Variants in N4BP1 observed in about 807,000 individuals in gnomAD.
N4BP1 encodes the protein NEDD4-binding protein 1.
N4BP1 carries 21 observed loss-of-function variants against 70.9 expected under a neutral mutation model. The observed-to-expected ratio is 0.30, with a 90% CI of 0.21 to 0.43. The LOEUF is 0.43. Ranked by LOEUF, N4BP1 falls within the 20% of genes least tolerant of loss-of-function variation. The pLI is 1.00. For synonymous variants in N4BP1, 387 were observed against 394.6 expected (o/e 0.98, Z 0.23); for missense variants, 936 against 1,069.4 (o/e 0.88, Z 1.74).
chr16:48,607,028 A>C (rs1239173501), intron 1 of N4BP1, among the ~76,000 whole-genome samples: 1 of 152,210 alleles, frequency 6.6e-6, no homozygotes, highest in East Asian at 1.9e-4. Context: ...AGAACAAAAA[A>C]GCCCTGATTG....
At chr16:48,581,191 T>A (rs1431551871) in intron 1 of N4BP1, among the ~76,000 whole-genome samples, 1 of 151,966 alleles carries the variant, frequency 6.6e-6, no homozygotes, top group African/African-American at 2.4e-5. Context: ...AAAAGCCATA[T>A]GATCAGTTCA....
chr16:48,589,436 T>G (rs368958818), intron 1 of N4BP1, among the ~76,000 whole-genome samples: 2 of 152,152 alleles, frequency 1.3e-5, no homozygotes, highest in Non-Finnish European at 2.9e-5. Flanking sequence ...CCAAATGGAC[T>G]GGCTTTGGAG....
At position 48,540,048 on chromosome 16, in the gene N4BP1, T is replaced by C. The variant is rs1446912231; in HGVS notation, c.*2856A>G. 2 of 152,304 alleles carry C rather than the reference T, an allele frequency of 1.3e-5. No individual in the cohort carries two copies. Among genetic ancestry groups the C allele is most frequent in the Non-Finnish European group, 2.9e-5 (2 of 68,070 alleles). 9.4% of individuals were successfully genotyped at this position (152,304 alleles called of 1,614,324 possible). A position where few individuals can be genotyped will look rare whatever the true frequency, so the allele number is the denominator to read the frequency against. Reference sequence around the variant, plus strand: ...AAGAGGATTCTTCCGGGAATCAGGCTGTTTCAATCTAAAACATCCAAGATA... The same window carrying C: ...AAGAGGATTCTTCCGGGAATCAGGCCGTTTCAATCTAAAACATCCAAGATA... On this transcript the variant is annotated 3_prime_UTR_variant, in exon 7 of 7. Coordinates refer to ENST00000262384, the MANE Select transcript of N4BP1 (RefSeq NM_153029.4).
At chr16:48,567,047 A>G (rs1198162723) in intron 1 of N4BP1, among the ~76,000 whole-genome samples, 1 of 152,204 alleles carries the variant, frequency 6.6e-6, no homozygotes, top group Non-Finnish European at 1.5e-5. Context: ...TAATGTTTGC[A>G]TGGCACATGT....
Position 48,561,601 on chromosome 16 carries a change from T to C in N4BP1, c.1042A>G (p.Asn348Asp). The C allele has an allele frequency of 6.2e-7, 1 of 1,613,610 alleles. No individual in the cohort carries two copies. Among genetic ancestry groups the C allele is most frequent in the Non-Finnish European group, 8.5e-7 (1 of 1,179,840 alleles). The change falls in exon 2 of 7, where the codon AAC (asparagine) becomes GAC (aspartate). Residue 348 changes from asparagine to aspartate, a missense_variant. Around this residue, in one of 4 missense-constraint regions of N4BP1, gnomAD observed 515 missense variants for 491.7 expected, o/e 1.05. Transcript: ENST00000262384. ...IKETTEEMEY[N>D]ILVNFFKTMG... ...GTTTTAAAAAAGTTTACGAGGATGTTGTATTCCATTTCCTCAGTAGTTTCT... is the reference window on the plus strand; with the variant it reads ...GTTTTAAAAAAGTTTACGAGGATGTCGTATTCCATTTCCTCAGTAGTTTCT...
intron 1 of N4BP1, among the ~76,000 whole-genome samples, chr16:48,593,610 T>C (rs931770469): frequency 1.3e-5 from 2 of 152,246 alleles, no homozygotes; most frequent in African/African-American, 4.8e-5. Context: ...AAATCATTGT[T>C]CTGCTCTTTA....
chr16:48,554,197 ACAG>A (rs1452154547), intron 2 of N4BP1, among the ~76,000 whole-genome samples: 5 of 151,848 alleles, frequency 3.3e-5, no homozygotes, highest in Non-Finnish European at 7.4e-5. Context: ...AATTAAAAGA[ACAG>A]CAACAACAAC....
chr16:48,604,972 T>C (rs1964556904), intron 1 of N4BP1, among the ~76,000 whole-genome samples: 1 of 151,836 alleles, frequency 6.6e-6, no homozygotes, highest in Admixed American at 6.6e-5. Context: ...CCTACACAGG[T>C]TCCCTGCCTG....
rs563295487 is a variant in N4BP1 at position 48,577,587 on chromosome 16, G to A, written c.199-15143C>T. On this transcript the variant is annotated intron_variant, in intron 1 of 6. Coordinates refer to ENST00000262384, the MANE Select transcript of N4BP1 (RefSeq NM_153029.4). ...TGGAGACTCTGGTGTGGGTCTTGAC[G>A]AGGTGGTCAGTGAATTCCTCATAGG... 10 of 213,950 alleles carry A rather than the reference G, an allele frequency of 4.7e-5. No homozygotes were observed. The East Asian group carries it at 7.3e-4, about 16-fold the overall frequency. The allele number at this position is 213,950 out of a possible 1,614,324, so 13.3% of individuals were successfully genotyped here.
chr16:48,604,104 G>A (rs1257410069), intron 1 of N4BP1, among the ~76,000 whole-genome samples: 1 of 152,160 alleles, frequency 6.6e-6, no homozygotes, highest in African/African-American at 2.4e-5. Flanking sequence ...CTTCATCCCA[G>A]TCCTTTTAAG....
At chr16:48,543,561 A>G (rs1045401943) in intron 6 of N4BP1, among the ~76,000 whole-genome samples, 4 of 152,106 alleles carry the variant, frequency 2.6e-5, no homozygotes, top group Non-Finnish European at 5.9e-5. Flanking sequence ...GGCTCTAACC[A>G]GGGTACCCTT....
At chr16:48,548,176 T>C in intron 4 of N4BP1, 62 bp from the exon 5 acceptor site, 2 of 924,638 alleles carry the variant, frequency 2.2e-6, no homozygotes, top group Non-Finnish European at 3.5e-6. Flanking sequence ...AGAAGCCATG[T>C]TATAAGAAGA....
chr16:48,553,725 T>G, intron 2 of N4BP1, 56 bp from the exon 3 acceptor site: 1 of 1,370,438 alleles, frequency 7.3e-7, no homozygotes, highest in Non-Finnish European at 9.7e-7. Flanking sequence ...TAAAGCACAG[T>G]AAGTTTCACC....
chr16:48,601,615 AT>A (rs1567446993), intron 1 of N4BP1, among the ~76,000 whole-genome samples: 1 of 152,216 alleles, frequency 6.6e-6, no homozygotes, highest in African/African-American at 2.4e-5. Flanking sequence ...TACAGCTCTT[AT>A]TTATCAAGTA....
intron 1 of N4BP1, among the ~76,000 whole-genome samples, chr16:48,601,985 G>A (rs528445022): frequency 1.3e-4 from 20 of 152,216 alleles, no homozygotes; most frequent in Non-Finnish European, 2.9e-4. Flanking sequence ...CACTTTGGGA[G>A]GCCAAGGCAG....
At chr16:48,559,538 G>C (rs917858837) in intron 2 of N4BP1, 1 of 152,100 alleles carries the variant, frequency 6.6e-6, no homozygotes, top group African/African-American at 2.4e-5. Flanking sequence ...CTTAGTATGT[G>C]AACAAATGGC....
chr16:48,602,301 T>C (rs1964514224), intron 1 of N4BP1, among the ~76,000 whole-genome samples: 1 of 152,188 alleles, frequency 6.6e-6, no homozygotes, highest in Admixed American at 6.5e-5. Flanking sequence ...TTTAATTAAT[T>C]ACTGTAAGGA....
At chr16:48,604,955 C>A (rs1490817646) in intron 1 of N4BP1, among the ~76,000 whole-genome samples, 2 of 152,174 alleles carry the variant, frequency 1.3e-5, no homozygotes, top group Non-Finnish European at 2.9e-5. Context: ...CCCGACCACC[C>A]CACTTCCCTA....
chr16:48,598,326 A>G (rs1964449330), intron 1 of N4BP1, among the ~76,000 whole-genome samples: 1 of 152,222 alleles, frequency 6.6e-6, no homozygotes, highest in African/African-American at 2.4e-5. Flanking sequence ...GGTCTTACAG[A>G]CACTAATAAA....
Sources: gnomAD v4.1 joint callset for allele counts (sites outside exome capture counted in the v4.1 genomes callset) on GRCh38, gnomAD v4.1.1 for gene constraint, gnomAD v4.1.1 regional missense constraint, MANE v1.5 for transcripts, NCBI Gene and HGNC (gene_info 2026-07-23, HGNC 2026-07-21) for gene names.